The following SREBF2 variants were observed in gnomAD, a reference collection of about 807,000 sequenced individuals.
SREBF2 encodes the protein sterol regulatory element-binding protein 2.
SREBF2 carries 55 observed loss-of-function variants against 113.1 expected under a neutral mutation model. The observed-to-expected ratio is 0.49, with a 90% confidence interval of 0.39 to 0.61. The LOEUF (loss-of-function observed/expected upper bound fraction) is 0.61, where lower values mean the gene tolerates loss of function less well. SREBF2 is among the 20% of genes least tolerant of loss of function. SREBF2 has a pLI of 0.00. For missense variants in SREBF2, 1,349 were observed against 1,487.4 expected (o/e 0.91, Z 1.53); for synonymous variants, 593 against 605.7 (o/e 0.98, Z 0.31).
At chr22:41,848,914 T>C (rs1602275172) in intron 1 of SREBF2, among the ~76,000 whole-genome samples, 1 of 151,984 alleles carries the variant, frequency 6.6e-6, no homozygotes, top group South Asian at 2.1e-4. Flanking sequence ...CCTCACAGGG[T>C]GATTTTGAAG....
At chr22:41,856,973 A>C (rs1269210629) in intron 1 of SREBF2, among the ~76,000 whole-genome samples, 1 of 151,514 alleles carries the variant, frequency 6.6e-6, no homozygotes, top group African/African-American at 2.4e-5. Flanking sequence ...AGGCTGAGAC[A>C]GGAGAGTTGC....
rs1428213965 is a variant in SREBF2, at chr22:41,907,219, G to C, written c.*1559G>C. On this transcript the variant is annotated 3_prime_UTR_variant, in exon 19 of 19. Transcript: ENST00000361204. ...GAGGGGGTGGTTTTTCACTGAAAAG[G>C]GGGGTACACCTATAGCTTTCTTGAT... is the stretch of plus-strand genomic sequence containing the variant. 1 of 152,244 alleles carries C rather than the reference G, an allele frequency of 6.6e-6. No individual in the cohort carries two copies. The highest frequency in any genetic ancestry group is 1.5e-5 in the Non-Finnish European group (1 of 68,158). The allele number at this position is 152,244 out of a possible 1,614,324, so 9.4% of individuals were successfully genotyped here.
intron 13 of SREBF2, among the ~76,000 whole-genome samples, chr22:41,895,660 T>G (rs2077409026): frequency 6.8e-6 from 1 of 147,898 alleles, no homozygotes. Context: ...GGTCTTGAAC[T>G]CCTGATCTCG....
intron 1 of SREBF2, among the ~76,000 whole-genome samples, chr22:41,835,599 T>G (rs1009894786): frequency 6.6e-6 from 1 of 151,964 alleles, no homozygotes; most frequent in Admixed American, 6.6e-5. Flanking sequence ...CATGAGCCAC[T>G]GTACCTGGCC....
chr22:41,890,244 C>G (rs1453951913), intron 11 of SREBF2, among the ~76,000 whole-genome samples: 1 of 152,146 alleles, frequency 6.6e-6, no homozygotes, highest in African/African-American at 2.4e-5. Context: ...TCTCTCTTTT[C>G]CACATTGATT....
chr22:41,877,638 C>G (rs2077208939), intron 8 of SREBF2, among the ~76,000 whole-genome samples: 1 of 152,130 alleles, frequency 6.6e-6, no homozygotes, highest in Admixed American at 6.5e-5. Flanking sequence ...AAATCAGGGA[C>G]CCACACTACT....
chr22:41,854,290 T>TA (rs1419594850), intron 1 of SREBF2, among the ~76,000 whole-genome samples: 2 of 151,050 alleles, frequency 1.3e-5, no homozygotes, highest in Non-Finnish European at 3.0e-5. Flanking sequence ...GCCTTCCGAG[T>TA]AGCTGGGATT....
At chr22:41,893,744 G>A (rs1245935421) in intron 12 of SREBF2, among the ~76,000 whole-genome samples, 1 of 152,178 alleles carries the variant, frequency 6.6e-6, no homozygotes, top group Non-Finnish European at 1.5e-5. Flanking sequence ...GCTCAGAGTG[G>A]TGACAGGGAC....
Position 41,893,280 on chromosome 22 carries a change from A to G in SREBF2, c.2372A>G (p.Asn791Ser), listed in dbSNP as rs762476057. 7 of 1,614,138 alleles carry G rather than the reference A, an allele frequency of 4.3e-6. No individual in the cohort carries two copies. The East Asian group carries it at 1.6e-4, about 36-fold the overall frequency. ...GAGAGTCTATACTGTGCCCAGAGGA[A>G]CCCAGGTGAGAATACCTTGGAGCCA... ...AKESLYCAQR[N>S]PADPIAQVHQ... Residue 791 changes from asparagine to serine, a missense_variant, in exon 12 of 19, where the codon AAC (asparagine) becomes AGC (serine). Coordinates refer to ENST00000361204, the MANE Select transcript of SREBF2 (RefSeq NM_004599.4).
At chr22:41,893,419 T>A in intron 12 of SREBF2, 134 bp downstream of exon 12, 1 of 1,073,508 alleles carries the variant, frequency 9.3e-7, no homozygotes, top group Non-Finnish European at 1.4e-6. Flanking sequence ...TGTTTGTTTG[T>A]TTGTTTGTTT....
intron 1 of SREBF2, among the ~76,000 whole-genome samples, chr22:41,863,854 T>G (rs1009640113): frequency 1.3e-5 from 2 of 151,776 alleles, no homozygotes; most frequent in African/African-American, 4.9e-5. Context: ...CAGCTTTATT[T>G]ATTTACATTT....
chr22:41,900,549 C>G, intron 16 of SREBF2, 51 bp downstream of exon 16: 1 of 1,574,934 alleles, frequency 6.3e-7, no homozygotes, highest in Non-Finnish European at 8.7e-7. Context: ...CACTGGTTTA[C>G]GAGAACACTC....
intron 1 of SREBF2, among the ~76,000 whole-genome samples, chr22:41,850,188 G>A (rs1417951606): frequency 2.0e-5 from 3 of 151,452 alleles, no homozygotes; most frequent in Admixed American, 1.3e-4. Flanking sequence ...CGTGGCTTAC[G>A]CCTGTAATCC....
At chr22:41,901,511 A>G (rs1179841478) in intron 16 of SREBF2, among the ~76,000 whole-genome samples, 1 of 152,222 alleles carries the variant, frequency 6.6e-6, no homozygotes, top group African/African-American at 2.4e-5. Flanking sequence ...AAATACAAAA[A>G]TAAGCCAGGT....
chr22:41,881,261 G>A (rs1454688676), intron 10 of SREBF2, among the ~76,000 whole-genome samples: 3 of 152,194 alleles, frequency 2.0e-5, no homozygotes, highest in African/African-American at 7.2e-5. Context: ...AGATAAGTTG[G>A]CAGTGTTTTT....
chr22:41,896,874 A>T (rs185192827), intron 13 of SREBF2, among the ~76,000 whole-genome samples, 178 bp from the exon 14 acceptor site: 1 of 152,216 alleles, frequency 6.6e-6, no homozygotes, highest in African/African-American at 2.4e-5. Context: ...GACACGGAGG[A>T]AGGATGCCTG....
intron 1 of SREBF2, among the ~76,000 whole-genome samples, chr22:41,864,255 T>TAC (rs1476279050): frequency 3.0e-4 from 23 of 75,702 alleles, no homozygotes; most frequent in East Asian, 6.2e-4. Flanking sequence ...TATATATATA[T>TAC]ATATATACAC....
intron 1 of SREBF2, chr22:41,834,576 AAGC>A (rs2076751740): frequency 6.5e-6 from 1 of 152,700 alleles, no homozygotes; most frequent in South Asian, 2.1e-4. Context: ...GAAGAAGCAG[AAGC>A]AGCAGAAGAT....
intron 10 of SREBF2, 51 bp from the exon 11 acceptor site, chr22:41,884,791 G>A: frequency 6.2e-7 from 1 of 1,608,940 alleles, no homozygotes; most frequent in Non-Finnish European, 8.5e-7. Context: ...GCAGGAAAAA[G>A]TTTGGTTTTG....
Sources: gnomAD v4.1 joint callset for allele counts (sites outside exome capture counted in the v4.1 genomes callset) on GRCh38, gnomAD v4.1.1 for gene constraint, MANE v1.5 for transcripts, NCBI Gene and HGNC (gene_info 2026-07-23, HGNC 2026-07-21) for gene names.